The following RADIL variants were observed in gnomAD, a reference collection of about 807,000 sequenced individuals.
RADIL encodes ras-associating and dilute domain-containing protein.
A neutral mutation model predicts 97.6 loss-of-function variants in RADIL; 99 were observed. The observed-to-expected ratio is 1.01, with a 90% CI of 0.86 to 1.20. The LOEUF (loss-of-function observed/expected upper bound fraction) is 1.20, where lower values mean the gene tolerates loss of function less well. Among genes scored for constraint, RADIL ranks in the 50% most tolerant of loss-of-function variants. The pLI is 0.00. For missense variants in RADIL, 1,765 were observed against 1,498.9 expected, an observed-to-expected ratio of 1.18 and a Z score of -2.93; for synonymous variants, 803 against 691.8, an observed-to-expected ratio of 1.16 and a Z score of -2.52.
chr7:4,843,212 G>A (rs978755368), intron 2 of RADIL, among the ~76,000 whole-genome samples: 12 of 150,034 alleles, frequency 8.0e-5, no homozygotes, highest in African/African-American at 3.0e-4. Context: ...ATGGGGTTTC[G>A]CCATGTTGGC....
intron 11 of RADIL, among the ~76,000 whole-genome samples, 172 bp from the exon 12 acceptor site, chr7:4,802,167 G>C (rs901720416): frequency 6.6e-6 from 1 of 152,140 alleles, no homozygotes; most frequent in African/African-American, 2.4e-5. Flanking sequence ...GGGCTTCCCC[G>C]CCATCCGGAG....
chr7:4,836,626 G>A, intron 2 of RADIL, 21 bp from the exon 3 acceptor site: 2 of 1,604,328 alleles, frequency 1.2e-6, no homozygotes, highest in African/African-American at 1.3e-5. Context: ...AGCAACACAA[G>A]GTGAACAGTT....
chr7:4,803,850 A>G (rs1782200830), intron 10 of RADIL, 96 bp from the exon 11 acceptor site: 2 of 1,154,302 alleles, frequency 1.7e-6, no homozygotes, highest in Non-Finnish European at 1.3e-6. Context: ...AGGGGCCAGC[A>G]GATTGAGCCC....
chr7:4,871,543 G>A (rs148722125), intron 2 of RADIL, among the ~76,000 whole-genome samples: 6 of 152,300 alleles, frequency 3.9e-5, no homozygotes, highest in East Asian at 1.9e-4. Flanking sequence ...CCTGCCACCC[G>A]CCTGCCAGCT....
In RADIL at chr7:4,816,306, G is replaced by A; in HGVS notation, c.1888C>T (p.Pro630Ser). The A allele has an allele frequency of 6.2e-7, 1 of 1,612,602 alleles. No homozygotes were observed. ...GCGAGCATCTGCGAGGCCACCTCGG[G>A]GTGCACCTGCAGCTGCCGCAGGAGG... ...LDLLRQLQVH[P>S]EVASQMLAYL... The change falls in exon 8 of 15, where the codon CCC (proline) becomes TCC (serine). Residue 630 changes from proline to serine, a missense_variant. Physicochemically the swap from Pro to Ser is moderately conservative, Grantham distance 74 (BLOSUM62 -1). Transcript: ENST00000399583.
chr7:4,827,315 C>T (rs959292310), intron 5 of RADIL, among the ~76,000 whole-genome samples: 2 of 139,484 alleles, frequency 1.4e-5, no homozygotes, highest in Non-Finnish European at 3.1e-5. Context: ...CGGTGAAATG[C>T]GATTGCACCA....
chr7:4,852,389 G>A (rs549788800), intron 2 of RADIL, among the ~76,000 whole-genome samples: 1 of 152,276 alleles, frequency 6.6e-6, no homozygotes, highest in South Asian at 2.1e-4. Flanking sequence ...CCTCACTAGA[G>A]TTCAAAAATG....
intron 11 of RADIL, among the ~76,000 whole-genome samples, chr7:4,802,865 C>T (rs1327635128): frequency 1.1e-4 from 12 of 107,394 alleles, no homozygotes; most frequent in Admixed American, 2.6e-4. Flanking sequence ...CCTCCCCGGG[C>T]ACCTCGGGGC....
At chr7:4,856,612 GTCT>G (rs1339785899) in intron 2 of RADIL, among the ~76,000 whole-genome samples, 3 of 152,048 alleles carry the variant, frequency 2.0e-5, no homozygotes, top group Non-Finnish European at 4.4e-5. Context: ...GCTTTTTTGT[GTCT>G]TCTTTATGCT....
intron 6 of RADIL, among the ~76,000 whole-genome samples, chr7:4,820,412 A>T (rs2115194579): frequency 6.6e-6 from 1 of 152,322 alleles, no homozygotes; most frequent in South Asian, 2.1e-4. Context: ...TCCAGGAAAA[A>T]GCCAGAGGAA....
Position 4,817,953 on chromosome 7 carries a change from C to T in RADIL, c.1616-602G>A, listed in dbSNP as rs1333201170. Reference sequence around the variant, plus strand: ...GCCCCCAACAGGGTGGAGCCTTCCCCGGGGGCTTCCAGAAAGTGAGGGAGC... The same window carrying T: ...GCCCCCAACAGGGTGGAGCCTTCCCTGGGGGCTTCCAGAAAGTGAGGGAGC... On this transcript the variant is annotated intron_variant, in intron 6 of 14. Coordinates refer to ENST00000399583, the MANE Select transcript of RADIL (RefSeq NM_018059.5). The surrounding 1 kb of genome is among the most constrained non-coding windows in gnomAD (Gnocchi z 8.3). 2.0e-5 allele frequency among the ~76,000 whole-genome samples: 3 copies of T among 152,168 alleles called. No homozygotes were observed. The highest frequency in any genetic ancestry group is 2.9e-5 in the Non-Finnish European group (2 of 68,020).
chr7:4,801,013 C>T (rs117420005), intron 12 of RADIL, among the ~76,000 whole-genome samples: 1 of 152,236 alleles, frequency 6.6e-6, no homozygotes, highest in Non-Finnish European at 1.5e-5. Flanking sequence ...GCCAGCTGCG[C>T]ACACACACTC....
chr7:4,817,176 A>C lies in RADIL; in HGVS notation c.1728+63T>G. ...GGCTCCTTAGGAGAGCCACAGGCAC[A>C]AGCTTGAGCCCCACTTGATCCCAGG... On this transcript the variant is annotated intron_variant, in intron 7 of 14. Transcript: ENST00000399583. The surrounding 1 kb of genome is among the most constrained non-coding windows in gnomAD (Gnocchi z 8.3). The C allele has an allele frequency of 6.9e-7, 1 of 1,453,418 alleles. No individual in the cohort carries two copies. Among genetic ancestry groups the C allele is most frequent in the Middle Eastern group, 1.8e-4 (1 of 5,620 alleles). The allele number at this position is 1,453,418 out of a possible 1,614,324, so 90.0% of individuals were successfully genotyped here.
Position 4,806,980 on chromosome 7 carries a change from T to C in RADIL, c.2140-1264A>G, listed in dbSNP as rs201447658. Reference sequence around the variant, plus strand: ...AGCCCTGGGATGCTGAGTTTTGCTGTAAGCCCACTCTTGGCAGCAGCTCCT... The same window carrying C: ...AGCCCTGGGATGCTGAGTTTTGCTGCAAGCCCACTCTTGGCAGCAGCTCCT... On this transcript the variant is annotated intron_variant, in intron 9 of 14. Transcript: ENST00000399583. Among the ~76,000 whole-genome samples the C allele has an allele frequency of 5.3e-5, 8 of 152,306 alleles. No homozygotes were observed. The East Asian group carries it at 1.5e-3, about 29-fold the overall frequency.
Position 4,840,045 on chromosome 7 carries a change from A to G in RADIL, c.536-3440T>C, listed in dbSNP as rs1783402652. ...ATTACAGGCGTGAGCCACCGCGCCC[A>G]GCATAAACACTTTTGTTAAAATAAA... On this transcript the variant is annotated intron_variant, in intron 2 of 14. Transcript: ENST00000399583. The surrounding 1 kb of genome is among the most constrained non-coding windows in gnomAD (Gnocchi z 5.6). Among the ~76,000 whole-genome samples the G allele has an allele frequency of 6.6e-6, 1 of 152,136 alleles. No individual in the cohort carries two copies. Among genetic ancestry groups the G allele is most frequent in the Non-Finnish European group, 1.5e-5 (1 of 68,002 alleles).
At position 4,880,428 on chromosome 7, in the gene RADIL, C is replaced by G. The variant is rs148845159; in HGVS notation, c.-64-2225G>C. Among the ~76,000 whole-genome samples, 3 of 152,318 alleles carry G rather than the reference C, an allele frequency of 2.0e-5. No individual in the cohort carries two copies. Among genetic ancestry groups the G allele is most frequent in the African/African-American group, 7.2e-5 (3 of 41,576 alleles). ...CACACCAGCGGCTTCCAATCGCCCT[C>G]TAGTCTGACCTCAGTCTCCTGTGGT... On this transcript the variant is annotated intron_variant, in intron 1 of 14. Transcript: ENST00000399583. The surrounding 1 kb of genome is among the most constrained non-coding windows in gnomAD (Gnocchi z 4.5).
chr7:4,811,072 G>C (rs1270473380), intron 9 of RADIL: 2 of 152,200 alleles, frequency 1.3e-5, no homozygotes, highest in African/African-American at 4.8e-5. Context: ...AGGAGGTGGA[G>C]GTTGCAGTGA....
chr7:4,858,246 T>A (rs1273667747), intron 2 of RADIL: 1 of 152,166 alleles, frequency 6.6e-6, no homozygotes, highest in Admixed American at 6.5e-5. Flanking sequence ...GTAATTGCAG[T>A]TTAACATGAA....
chr7:4,879,710 C>T lies in RADIL; in HGVS notation c.-64-1507G>A, dbSNP rs1784446293. ...GGCTGCCTAGGGCCACAGAAAGCAA[C>T]CAGGGAACCCCTCCAAAGAAAAGGA... On this transcript the variant is annotated intron_variant, in intron 1 of 14. Coordinates refer to ENST00000399583, the MANE Select transcript of RADIL (RefSeq NM_018059.5). The surrounding 1 kb of genome is among the most constrained non-coding windows in gnomAD (Gnocchi z 4.1). Among the ~76,000 whole-genome samples, 1 of 152,190 alleles carries T rather than the reference C, an allele frequency of 6.6e-6. No homozygotes were observed. Among genetic ancestry groups the T allele is most frequent in the South Asian group, 2.1e-4 (1 of 4,832 alleles).
Sources: allele counts gnomAD v4.1 joint callset (sites outside exome capture counted in the v4.1 genomes callset), GRCh38; gene constraint gnomAD v4.1.1; non-coding constraint Gnocchi (gnomAD v3.1); transcripts MANE v1.5; gene names NCBI Gene and HGNC (gene_info 2026-07-23, HGNC 2026-07-21).